Variants in ANK2 observed in about 807,000 individuals in gnomAD.
ANK2 encodes the protein ankyrin 2.
Under a neutral mutation model 360.5 loss-of-function variants are expected in ANK2, and 83 were observed. The observed-to-expected ratio is 0.23, with a 90% CI of 0.19 to 0.28. The LOEUF (loss-of-function observed/expected upper bound fraction) is 0.28, where lower values mean the gene tolerates loss of function less well. ANK2 is among the 10% of genes least tolerant of loss of function. The probability of loss-of-function intolerance (pLI) is 1.00; values close to 1 mark genes in which losing one functional copy is unlikely to be tolerated. For synonymous variants in ANK2, 1,740 were observed against 1,759.5 expected, an observed-to-expected ratio of 0.99 and a Z score of 0.28; for missense variants, 4,201 against 4,795.7, an observed-to-expected ratio of 0.88 and a Z score of 3.66.
rs112281686 is a variant in ANK2, at chr4:113,315,471, C to T, written c.2694-2236C>T. Among the ~76,000 whole-genome samples, 664 of 152,200 alleles carry T rather than the reference C, an allele frequency of 4.4e-3. 5 individuals are homozygous for T. Among genetic ancestry groups the T allele is most frequent in the Middle Eastern group, 0.014 (4 of 294 alleles). On this transcript the variant is annotated intron_variant, in intron 24 of 45. Coordinates refer to ENST00000357077, the MANE Select transcript of ANK2 (RefSeq NM_001148.6). ...TAAATTTTCATTTTCCCTTTGAGAC[C>T]GGTGTTTCTGCTATTCCAGAAGACG...
intron 45 of ANK2, among the ~76,000 whole-genome samples, chr4:113,379,775 A>C (rs2097103896): frequency 6.6e-6 from 1 of 152,224 alleles, no homozygotes; most frequent in Admixed American, 6.5e-5. Flanking sequence ...AGAAGGAAGA[A>C]GGAAACAAGG....
intron 14 of ANK2, among the ~76,000 whole-genome samples, chr4:113,271,986 G>A (rs560410911): frequency 6.6e-6 from 1 of 152,302 alleles, no homozygotes; most frequent in Non-Finnish European, 1.5e-5. Flanking sequence ...GGTTCTGTTG[G>A]CACAATTACA....
At chr4:113,086,077 A>G (rs930676227) in intron 1 of ANK2, among the ~76,000 whole-genome samples, 1 of 152,220 alleles carries the variant, frequency 6.6e-6, no homozygotes, top group African/African-American at 2.4e-5. Context: ...AGCTGGTCCA[A>G]TGTTATATAT....
intron 1 of ANK2, among the ~76,000 whole-genome samples, chr4:112,852,370 T>A (rs2065221312): frequency 6.6e-6 from 1 of 152,240 alleles, no homozygotes; most frequent in Non-Finnish European, 1.5e-5. Flanking sequence ...AAAGTCAGTA[T>A]TTAAAATTAG....
At chr4:112,920,222 A>T (rs1337158845) in intron 2 of ANK2, among the ~76,000 whole-genome samples, 1 of 152,166 alleles carries the variant, frequency 6.6e-6, no homozygotes, top group African/African-American at 2.4e-5. Context: ...TAAGACACAA[A>T]GTCAATCTGC....
At chr4:112,758,111 T>C in the ANK2 span, among the ~76,000 whole-genome samples, 1 of 151,886 alleles carries the variant, frequency 6.6e-6, no homozygotes, top group East Asian at 1.9e-4. Flanking sequence ...GGTTTTTCCA[T>C]GTTGGTCACT....
chr4:112,730,443 C>A, the ANK2 span, among the ~76,000 whole-genome samples: 41,247 of 149,978 alleles, frequency 0.28, 6,211 homozygotes, highest in Non-Finnish European at 0.34. Flanking sequence ...CAAGACCAGC[C>A]TGGCCAACAT....
At chr4:112,762,807 G>C in the ANK2 span, among the ~76,000 whole-genome samples, 1 of 152,204 alleles carries the variant, frequency 6.6e-6, no homozygotes, top group Non-Finnish European at 1.5e-5. Context: ...ACTGCGCCCG[G>C]CTTCGAAATA....
chr4:113,141,329 A>G (rs564326681), intron 1 of ANK2: 2 of 152,332 alleles, frequency 1.3e-5, no homozygotes, highest in Admixed American at 6.5e-5. Flanking sequence ...GCCAGCCCAG[A>G]GAGTGAGAAA....
At chr4:112,932,206 A>T (rs2093310420) in intron 2 of ANK2, among the ~76,000 whole-genome samples, 1 of 152,042 alleles carries the variant, frequency 6.6e-6, no homozygotes, top group South Asian at 2.1e-4. Flanking sequence ...AATCCAAAAA[A>T]ATTAGCCAGG....
chr4:112,794,719 T>C, the ANK2 span, among the ~76,000 whole-genome samples: 2 of 152,210 alleles, frequency 1.3e-5, no homozygotes, highest in Admixed American at 1.3e-4. Flanking sequence ...CCCCAAACTA[T>C]TTTAACAGGG....
In ANK2 at chr4:113,363,355, G is replaced by T. The variant is rs777495627; in HGVS notation, c.10774G>T (p.Asp3592Tyr). ...FSWTELAREL[D>Y]FTEEQIHQIR... is the part of the protein sequence containing the mutation. ...TCTTCTAGAATTAGCAAGAGAACTG[G>T]ATTTCACTGAGGAGCAAATTCATCA... Residue 3592 changes from aspartate to tyrosine, a missense_variant, in exon 40 of 46, where the codon GAT (aspartate) becomes TAT (tyrosine). Transcript: ENST00000357077. The T allele has an allele frequency of 2.5e-6, 4 of 1,613,260 alleles. No individual in the cohort carries two copies. Among genetic ancestry groups the T allele is most frequent in the Non-Finnish European group, 3.4e-6 (4 of 1,179,564 alleles).
rs181648621 is a variant in ANK2 at position 112,988,182 on chromosome 4, A to G, written c.21+83668A>G. On this transcript the variant is annotated intron_variant, in intron 2 of 30. Coordinates refer to the ANK2 transcript ENST00000503271. ...ATTGTTAAAGAAGCATAATTTACAA[A>G]ATTTTTATTGAGCATCTACTATTCC... 1.6e-3 allele frequency among the ~76,000 whole-genome samples: 237 copies of G among 152,342 alleles called. 2 individuals are homozygous for G. The highest frequency in any genetic ancestry group is 5.5e-3 in the African/African-American group (228 of 41,582).
the ANK2 span, among the ~76,000 whole-genome samples, chr4:112,761,188 T>G: frequency 6.6e-6 from 1 of 152,198 alleles, no homozygotes; most frequent in Non-Finnish European, 1.5e-5. Flanking sequence ...TTTTATAATG[T>G]CCTGAAATTT....
chr4:113,002,771 A>C (rs1023815105), intron 2 of ANK2, among the ~76,000 whole-genome samples: 4 of 152,190 alleles, frequency 2.6e-5, no homozygotes, highest in Non-Finnish European at 4.4e-5. Flanking sequence ...ACAGGACATA[A>C]AGCTCTCTTG....
At chr4:112,976,753 G>A (rs2041570495) in intron 2 of ANK2, among the ~76,000 whole-genome samples, 1 of 150,384 alleles carries the variant, frequency 6.6e-6, no homozygotes, top group Non-Finnish European at 1.5e-5. Flanking sequence ...AAAACATTAC[G>A]CTTAGTGCTG....
At chr4:112,851,759 C>T (rs2065051494) in intron 1 of ANK2, among the ~76,000 whole-genome samples, 1 of 151,708 alleles carries the variant, frequency 6.6e-6, no homozygotes, top group South Asian at 2.1e-4. Flanking sequence ...GAGTAGCTGG[C>T]ACTACAGGTG....
intron 1 of ANK2, among the ~76,000 whole-genome samples, chr4:113,069,615 G>C (rs2076841885): frequency 6.6e-6 from 1 of 152,180 alleles, no homozygotes; most frequent in Non-Finnish European, 1.5e-5. Context: ...AATAGGACAA[G>C]AAAGAGCTGC....
chr4:112,991,570 C>T (rs76717363), intron 2 of ANK2, among the ~76,000 whole-genome samples: 3,228 of 149,914 alleles, frequency 0.022, 50 homozygotes, highest in Middle Eastern at 0.039. Flanking sequence ...CCACACCCCT[C>T]GTATTCTCTT....
Sources: allele counts gnomAD v4.1 joint callset (sites outside exome capture counted in the v4.1 genomes callset), GRCh38; gene constraint gnomAD v4.1.1; transcripts MANE v1.5; gene names NCBI Gene and HGNC (gene_info 2026-07-23, HGNC 2026-07-21).